CCDC134: variants seen among roughly 807,000 people sequenced by gnomAD.
CCDC134 encodes the protein coiled-coil domain-containing protein 134.
In CCDC134, 27 loss-of-function variants were observed where a neutral mutation model predicts 25.6. The observed-to-expected ratio is 1.05, with a 90% CI of 0.78 to 1.45. CCDC134 has a LOEUF of 1.45. CCDC134 is among the 40% of genes most tolerant of loss of function. The pLI, the probability that CCDC134 is intolerant of heterozygous loss-of-function variation, is 0.00. For synonymous variants in CCDC134, 110 were observed against 115.0 expected, an observed-to-expected ratio of 0.96 and a Z score of 0.28; for missense variants, 261 against 286.7, an observed-to-expected ratio of 0.91 and a Z score of 0.65.
chr22:41,815,948 C>T (rs2076620788), intron 6 of CCDC134, among the ~76,000 whole-genome samples: 1 of 152,182 alleles, frequency 6.6e-6, no homozygotes, highest in South Asian at 2.1e-4. Flanking sequence ...CTGTGTCTGG[C>T]CCCTAACCTG....
intron 1 of CCDC134, 88 bp downstream of exon 1, chr22:41,800,854 G>C (rs1434267465): frequency 1.3e-5 from 2 of 152,360 alleles, no homozygotes; most frequent in Admixed American, 6.5e-5. Context: ...AGGTGGTGGG[G>C]AGGGAGTTTC....
chr22:41,827,745 C>T lies in CCDC134; in HGVS notation c.*1922C>T, dbSNP rs2076686441. ...GGCCTTATGTTCCCTGCCTCCAGACCCTATTTTCCTGCATCAACGGGAAAG... is the reference window on the plus strand; with the variant it reads ...GGCCTTATGTTCCCTGCCTCCAGACTCTATTTTCCTGCATCAACGGGAAAG... On this transcript the variant is annotated 3_prime_UTR_variant, in exon 7 of 7. Transcript: ENST00000255784. 6.6e-6 allele frequency among the ~76,000 whole-genome samples: 1 copy of T among 152,190 alleles called. No individual in the cohort carries two copies. Among genetic ancestry groups the T allele is most frequent in the South Asian group, 2.1e-4 (1 of 4,828 alleles).
At position 41,826,666 on chromosome 22, in the gene CCDC134, G is replaced by A. The variant is rs928332477; in HGVS notation, c.*843G>A. 4.6e-5 allele frequency among the ~76,000 whole-genome samples: 7 copies of A among 152,196 alleles called. No homozygotes were observed. Among genetic ancestry groups the A allele is most frequent in the Non-Finnish European group, 8.8e-5 (6 of 68,024 alleles). On this transcript the variant is annotated 3_prime_UTR_variant, in exon 7 of 7. Transcript: ENST00000255784. ...GTGGGGGGCTGCAGGGGGACAGGCC[G>A]CAGCCCTGCAGGAGGCCGTGCTCCG...
intron 1 of CCDC134, among the ~76,000 whole-genome samples, chr22:41,807,003 G>C (rs1219988193): frequency 6.6e-6 from 1 of 152,138 alleles, no homozygotes; most frequent in African/African-American, 2.4e-5. Context: ...AGCCGAGATC[G>C]TGCCATTGCT....
rs952332878 is a variant in CCDC134, at chr22:41,828,196, T to G, written c.*2373T>G. Among the ~76,000 whole-genome samples, 4 of 148,852 alleles carry G rather than the reference T, an allele frequency of 2.7e-5. No homozygotes were observed. The highest frequency in any genetic ancestry group is 9.7e-5 in the African/African-American group (4 of 41,142). ...AGTGTGGTGGCAAGACCTGGGCAAC[T>G]TGGGACCAGCCTGGGCTGTCTCTTG... On this transcript the variant is annotated 3_prime_UTR_variant, in exon 7 of 7. Transcript: ENST00000255784.
rs758590676 is a variant in CCDC134 at position 41,825,649 on chromosome 22, G to C, written c.565-49G>C. On this transcript the variant is annotated intron_variant, in intron 6 of 6. Coordinates refer to ENST00000255784, the MANE Select transcript of CCDC134 (RefSeq NM_024821.5). The surrounding 1 kb of genome is among the most constrained non-coding windows in gnomAD (Gnocchi z 4.4). The stretch of plus-strand genomic sequence containing the variant: ...CCGCTGGTGGCCTAGCTCAGAGCAG[G>C]CTCTTTGCTGCCACAGACTAAATCA... The C allele has an allele frequency of 1.2e-5, 20 of 1,610,652 alleles. No individual in the cohort carries two copies. The South Asian group carries it at 2.1e-4, about 17-fold the overall frequency.
At chr22:41,804,165 G>C (rs1214976217) in intron 1 of CCDC134, among the ~76,000 whole-genome samples, 1 of 152,154 alleles carries the variant, frequency 6.6e-6, no homozygotes, top group Non-Finnish European at 1.5e-5. Context: ...GTCTCAAAAT[G>C]ATATGGAATC....
intron 1 of CCDC134, among the ~76,000 whole-genome samples, chr22:41,802,892 C>T (rs139564): frequency 0.17 from 24,781 of 147,166 alleles, 2,891 homozygotes; most frequent in Admixed American, 0.36. Context: ...CCAGCCTGGG[C>T]GACAGAGCAA....
intron 4 of CCDC134, among the ~76,000 whole-genome samples, chr22:41,811,946 T>C (rs2076598485): frequency 6.6e-6 from 1 of 152,212 alleles, no homozygotes; most frequent in Admixed American, 6.5e-5. Context: ...GGTGCCACGC[T>C]TGTCTTGCAG....
Position 41,809,149 on chromosome 22 carries a change from C to A in CCDC134, c.103+156C>A, listed in dbSNP as rs1015540831. ...AGACCTTGAGCAAGTCAGGTCTCTC[C>A]GGAGCTTCAGCTTCCGCGTATGGTA... On this transcript the variant is annotated intron_variant, in intron 2 of 6. Coordinates refer to ENST00000255784, the MANE Select transcript of CCDC134 (RefSeq NM_024821.5). Among the ~76,000 whole-genome samples, 6 of 152,314 alleles carry A rather than the reference C, an allele frequency of 3.9e-5. No individual in the cohort carries two copies. The South Asian group carries it at 6.2e-4, about 16-fold the overall frequency.
chr22:41,813,493 G>T (rs747219908), intron 5 of CCDC134, 48 bp downstream of exon 5: 21 of 1,598,236 alleles, frequency 1.3e-5, no homozygotes, highest in Non-Finnish European at 1.7e-5. Context: ...TCGGGTAGTG[G>T]ACTAGGATCC....
chr22:41,807,334 G>A (rs2076572636), intron 1 of CCDC134, among the ~76,000 whole-genome samples: 1 of 152,088 alleles, frequency 6.6e-6, no homozygotes, highest in African/African-American at 2.4e-5. Flanking sequence ...AGGCCAAGAT[G>A]GGTGGATCAC....
At chr22:41,810,032 G>A (rs1011422851) in intron 3 of CCDC134, 32 bp downstream of exon 3, 19 of 1,612,850 alleles carry the variant, frequency 1.2e-5, no homozygotes, top group Non-Finnish European at 1.6e-5. Context: ...CTCATGGCAG[G>A]TCCAGTCTTT....
chr22:41,829,509 T>C lies in CCDC134; in HGVS notation c.*3686T>C, dbSNP rs970117636. 2.0e-5 allele frequency among the ~76,000 whole-genome samples: 3 copies of C among 152,226 alleles called. No homozygotes were observed. The highest frequency in any genetic ancestry group is 4.4e-5 in the Non-Finnish European group (3 of 68,034). On this transcript the variant is annotated 3_prime_UTR_variant, in exon 7 of 7. Transcript: ENST00000255784. ...TTATTTCCCTCTCTAACCCCATCTC[T>C]GTGTCAAACAGTGGAGTACATGCTT... is the stretch of plus-strand genomic sequence containing the variant.
chr22:41,806,759 T>C (rs967523852), intron 1 of CCDC134, among the ~76,000 whole-genome samples: 2 of 151,980 alleles, frequency 1.3e-5, no homozygotes, highest in African/African-American at 4.8e-5. Flanking sequence ...ACAAGAAAAC[T>C]AGTACCAGCC....
chr22:41,821,398 C>G (rs541241916), intron 6 of CCDC134, among the ~76,000 whole-genome samples: 6 of 151,624 alleles, frequency 4.0e-5, no homozygotes, highest in African/African-American at 1.5e-4. Flanking sequence ...TATACATGTG[C>G]CATGCTGGTG....
chr22:41,831,074 C>CG lies in CCDC134; in HGVS notation c.*5255dup, dbSNP rs1281200531. The CG allele has an allele frequency of 6.6e-6, 1 of 151,878 alleles. No individual in the cohort carries two copies. Among genetic ancestry groups the CG allele is most frequent in the Non-Finnish European group, 1.5e-5 (1 of 68,004 alleles). The allele number at this position is 151,878 out of a possible 1,614,324, so 9.4% of individuals were successfully genotyped here. A position where few individuals can be genotyped will look rare whatever the true frequency, so the allele number is the denominator to read the frequency against. On this transcript the variant is annotated 3_prime_UTR_variant, in exon 7 of 7. Coordinates refer to ENST00000255784, the MANE Select transcript of CCDC134 (RefSeq NM_024821.5). ...CTAATTTTTGTATTTTTAGTAGAGA[C>CG]GGGGTTTCACCAAGCTGGCCAAGCT...
At chr22:41,816,076 A>G (rs930576160) in intron 6 of CCDC134, among the ~76,000 whole-genome samples, 11 of 152,198 alleles carry the variant, frequency 7.2e-5, no homozygotes, top group African/African-American at 2.7e-4. Context: ...GACCACCCAC[A>G]TAAGAGAGTT....
rs1284165455 is a variant in CCDC134 at position 41,825,371 on chromosome 22, G to C, written c.565-327G>C. On this transcript the variant is annotated intron_variant, in intron 6 of 6. Coordinates refer to ENST00000255784, the MANE Select transcript of CCDC134 (RefSeq NM_024821.5). This position sits in a 1 kb window ranked among gnomAD's most constrained non-coding sequence, Gnocchi z 4.4. ...GGGTGCAGCAGGTGTGGGGCTCCCG[G>C]GTCTGTGGTGGTCTCAGCCACTCTA... Among the ~76,000 whole-genome samples the C allele has an allele frequency of 6.6e-6, 1 of 151,972 alleles. No homozygotes were observed. The highest frequency in any genetic ancestry group is 1.5e-5 in the Non-Finnish European group (1 of 67,974).
Sources: gnomAD v4.1 joint callset for allele counts (sites outside exome capture counted in the v4.1 genomes callset) on GRCh38, gnomAD v4.1.1 for gene constraint, Gnocchi (gnomAD v3.1) non-coding constraint, MANE v1.5 for transcripts, NCBI Gene and HGNC (gene_info 2026-07-23, HGNC 2026-07-21) for gene names.